COL4A4: variants seen among roughly 807,000 people sequenced by gnomAD.
The protein encoded by COL4A4 is collagen type IV alpha 4 chain.
A neutral mutation model predicts 192.9 loss-of-function variants in COL4A4; 105 were observed. That is an observed-to-expected ratio of 0.54 (90% confidence interval 0.46 to 0.64). The LOEUF (loss-of-function observed/expected upper bound fraction) is 0.64, where lower values mean the gene tolerates loss of function less well. Among genes scored for constraint, COL4A4 ranks in the 30% least tolerant of loss-of-function variants. The probability of loss-of-function intolerance (pLI) is 0.00; values close to 1 mark genes in which losing one functional copy is unlikely to be tolerated. For missense variants in COL4A4, 1,967 were observed against 2,169.3 expected, an observed-to-expected ratio of 0.91 and a Z score of 1.85; for synonymous variants, 762 against 769.9, an observed-to-expected ratio of 0.99 and a Z score of 0.17.
intron 1 of COL4A4, among the ~76,000 whole-genome samples, chr2:227,148,352 C>T (rs1016912137): frequency 3.5e-4 from 54 of 152,178 alleles, no homozygotes; most frequent in Non-Finnish European, 1.5e-4. Flanking sequence ...ATATGTGCTA[C>T]AGCATGAATG....
rs1476281366 is a variant in COL4A4, at chr2:227,042,190, G to A, written c.3463C>T (p.Leu1155Phe). ...CCTGGTATCCCTGGATCCCCCTGGAGGCCTCTTGGCCCAGGGTCTCCCATT... is the reference window on the plus strand; with the variant it reads ...CCTGGTATCCCTGGATCCCCCTGGAAGCCTCTTGGCCCAGGGTCTCCCATT... The part of the protein sequence containing the change: ...GEMGDPGPRG[L>F]QGDPGIPGPP... The change falls in exon 37 of 48, where the codon CTC becomes TTC. Residue 1155 changes from leucine to phenylalanine, a missense_variant. Coordinates refer to ENST00000396625, the MANE Select transcript of COL4A4 (RefSeq NM_000092.5). 1 of 1,613,342 alleles carries A rather than the reference G, an allele frequency of 6.2e-7. No individual in the cohort carries two copies. Among genetic ancestry groups the A allele is most frequent in the Non-Finnish European group, 8.5e-7 (1 of 1,179,402 alleles).
Position 227,100,789 on chromosome 2 carries a change from G to A in COL4A4, c.1029+715C>T, listed in dbSNP as rs373392795. ...GGGAGGTGATTGAATTATGGGGGGT[G>A]GGTCTTTCCTGCGCTATTCTTTTTT... is the stretch of plus-strand genomic sequence containing the variant. On this transcript the variant is annotated intron_variant, in intron 17 of 47. Coordinates refer to ENST00000396625, the MANE Select transcript of COL4A4 (RefSeq NM_000092.5). Among the ~76,000 whole-genome samples, 102 of 150,834 alleles carry A rather than the reference G, an allele frequency of 6.8e-4. 1 individual carries two copies. The highest frequency in any genetic ancestry group is 2.5e-3 in the African/African-American group (100 of 40,726).
At chr2:227,034,319 C>T (rs1263273459) in intron 37 of COL4A4, among the ~76,000 whole-genome samples, 2 of 152,106 alleles carry the variant, frequency 1.3e-5, no homozygotes, top group African/African-American at 2.4e-5. Flanking sequence ...TTTCAAATGA[C>T]ACTTCTTGAT....
chr2:227,018,948 A>C (rs538341693), intron 44 of COL4A4, among the ~76,000 whole-genome samples: 1 of 152,252 alleles, frequency 6.6e-6, no homozygotes, highest in Non-Finnish European at 1.5e-5. Flanking sequence ...AAAGATAACT[A>C]TCATGTTCAA....
intron 12 of COL4A4, among the ~76,000 whole-genome samples, chr2:227,106,114 T>C (rs2060825821): frequency 8.2e-6 from 1 of 122,496 alleles, no homozygotes; most frequent in African/African-American, 2.8e-5. Flanking sequence ...ATTAGAAACA[T>C]TGTCTGTTTT....
At chr2:227,035,679 AC>A (rs1473409174) in intron 37 of COL4A4, among the ~76,000 whole-genome samples, 11 of 152,270 alleles carry the variant, frequency 7.2e-5, no homozygotes, top group African/African-American at 2.6e-4. Context: ...GAACACACAG[AC>A]CTTCTTTATC....
Position 227,057,423 on chromosome 2 carries a change from A to G in COL4A4, c.2545+16T>C. ...GTAGGGTAAGCCCCAGACCCTTCAC[A>G]GTTCTTGACACTTACCTGGGCTACC... On this transcript the variant is annotated intron_variant, in intron 29 of 47. Transcript: ENST00000396625. The G allele has an allele frequency of 6.3e-7, 1 of 1,593,686 alleles. No homozygotes were observed. The highest frequency in any genetic ancestry group is 1.1e-5 in the South Asian group (1 of 87,832).
In COL4A4 at chr2:227,035,886, C is replaced by T. The variant is rs1483821342; in HGVS notation, c.3506-2405G>A. Among the ~76,000 whole-genome samples the T allele has an allele frequency of 4.6e-5, 7 of 152,298 alleles. No homozygotes were observed. In the East Asian group the frequency reaches 7.7e-4, roughly 17 times the overall value. On this transcript the variant is annotated intron_variant, in intron 37 of 47. Transcript: ENST00000396625. ...AACACATCCAGATCCTAGGTTGTCACGGTCCCAGCCTCTCGCCATTGTTGA... is the reference window on the plus strand; with the variant it reads ...AACACATCCAGATCCTAGGTTGTCATGGTCCCAGCCTCTCGCCATTGTTGA...
At chr2:227,020,546 T>C (rs1306154803) in intron 44 of COL4A4, among the ~76,000 whole-genome samples, 1 of 152,142 alleles carries the variant, frequency 6.6e-6, no homozygotes, top group Non-Finnish European at 1.5e-5. Context: ...GAGAGGAACA[T>C]CTCTTGGGCA....
At chr2:227,131,312 G>A (rs2062450743) in intron 4 of COL4A4, among the ~76,000 whole-genome samples, 2 of 151,822 alleles carry the variant, frequency 1.3e-5, no homozygotes, top group Admixed American at 6.6e-5. Context: ...CCACCACCAT[G>A]CCCAGCTAAT....
rs374062674 is a variant in COL4A4 at position 227,065,196 on chromosome 2, G to A, written c.1988-2598C>T. ...TTTTCCGACGGGCTTAAAAAACGGCGCACCAGGAGATCACATCCCGCACCT... is the reference window on the plus strand; with the variant it reads ...TTTTCCGACGGGCTTAAAAAACGGCACACCAGGAGATCACATCCCGCACCT... On this transcript the variant is annotated intron_variant, in intron 25 of 47. Transcript: ENST00000396625. 8.5e-5 allele frequency among the ~76,000 whole-genome samples: 13 copies of A among 152,292 alleles called. No homozygotes were observed. The East Asian group carries it at 1.5e-3, about 18-fold the overall frequency.
At chr2:227,141,156 C>G (rs961846423) in intron 3 of COL4A4, among the ~76,000 whole-genome samples, 3 of 152,198 alleles carry the variant, frequency 2.0e-5, no homozygotes, top group African/African-American at 7.2e-5. Context: ...GTGGACAAAT[C>G]ACCTCTAGGT....
At position 227,129,108 on chromosome 2, in the gene COL4A4, T is replaced by G. The variant is rs551532698; in HGVS notation, c.193-7960A>C. Reference sequence around the variant, plus strand: ...CACAACACAACAGTGTGTTAATACATTCTTCTCATGGAATCCTTACCACCC... The same window carrying G: ...CACAACACAACAGTGTGTTAATACAGTCTTCTCATGGAATCCTTACCACCC... On this transcript the variant is annotated intron_variant, in intron 4 of 47. Coordinates refer to ENST00000396625, the MANE Select transcript of COL4A4 (RefSeq NM_000092.5). Among the ~76,000 whole-genome samples the G allele has an allele frequency of 3.9e-5, 6 of 152,266 alleles. No individual in the cohort carries two copies. In the East Asian group the frequency reaches 1.2e-3, roughly 29 times the overall value.
chr2:227,112,719 A>G (rs954856503), intron 8 of COL4A4, among the ~76,000 whole-genome samples: 4 of 152,118 alleles, frequency 2.6e-5, no homozygotes, highest in African/African-American at 9.7e-5. Flanking sequence ...ATTAAACACT[A>G]ACTCCCCATC....
chr2:227,053,819 TA>T (rs1405204979), intron 31 of COL4A4, among the ~76,000 whole-genome samples: 1 of 152,114 alleles, frequency 6.6e-6, no homozygotes, highest in African/African-American at 2.4e-5. Context: ...GTGCTGGGAT[TA>T]CAGGCGTGAG....
At chr2:227,126,919 C>T (rs1449997371) in intron 4 of COL4A4, among the ~76,000 whole-genome samples, 1 of 152,190 alleles carries the variant, frequency 6.6e-6, no homozygotes, top group East Asian at 1.9e-4. Context: ...TAATAGAATT[C>T]ACTTCAGGAC....
intron 2 of COL4A4, 22 bp from the exon 3 acceptor site, chr2:227,144,580 G>C: frequency 6.4e-7 from 1 of 1,563,740 alleles, no homozygotes; most frequent in South Asian, 1.1e-5. Flanking sequence ...CAAAAACGCA[G>C]ATTAATTTAA....
At chr2:227,087,444 C>T (rs988076561) in intron 22 of COL4A4, among the ~76,000 whole-genome samples, 1 of 152,144 alleles carries the variant, frequency 6.6e-6, no homozygotes, top group African/African-American at 2.4e-5. Context: ...CATCGCCTTC[C>T]CATCTCAGTA....
chr2:227,066,101 G>A (rs1307312956), intron 25 of COL4A4, among the ~76,000 whole-genome samples: 12 of 152,204 alleles, frequency 7.9e-5, no homozygotes, highest in Admixed American at 1.3e-4. Flanking sequence ...GAGCCGATGC[G>A]ATCAACTGGA....
Sources: gnomAD v4.1 joint callset for allele counts (sites outside exome capture counted in the v4.1 genomes callset) on GRCh38, gnomAD v4.1.1 for gene constraint, MANE v1.5 for transcripts, NCBI Gene and HGNC (gene_info 2026-07-23, HGNC 2026-07-21) for gene names.